The following CTDSPL variants were observed in gnomAD, a reference collection of about 807,000 sequenced individuals.
The protein encoded by CTDSPL is CTD small phosphatase-like protein.
In CTDSPL, 8 loss-of-function variants were observed where a neutral mutation model predicts 30.5. The ratio of observed to expected loss-of-function variants is 0.26; its 90% CI spans 0.15 to 0.47. CTDSPL has a LOEUF of 0.47. CTDSPL is among the 20% of genes least tolerant of loss of function. CTDSPL has a pLI of 0.99. For synonymous variants in CTDSPL, 110 were observed against 137.9 expected (o/e 0.80, Z 1.42); for missense variants, 248 against 366.1 (o/e 0.68, Z 2.63).
intron 4 of CTDSPL, among the ~76,000 whole-genome samples, chr3:37,966,401 C>A (rs544042342): frequency 6.6e-6 from 1 of 152,310 alleles, no homozygotes; most frequent in South Asian, 2.1e-4. Context: ...AAGTGAAGAA[C>A]CCTAGCTGTA....
At position 37,914,842 on chromosome 3, in the gene CTDSPL, T is replaced by C. The variant is rs61710124; in HGVS notation, c.80-32215T>C. ...GAAGTGTTTTTTGTTGTTGTTGTTTTCTGGAAGAGTTTATATAAGATATAT... is the reference window on the plus strand; with the variant it reads ...GAAGTGTTTTTTGTTGTTGTTGTTTCCTGGAAGAGTTTATATAAGATATAT... On this transcript the variant is annotated intron_variant, in intron 1 of 7. Coordinates refer to ENST00000273179, the MANE Select transcript of CTDSPL (RefSeq NM_001008392.2). Among the ~76,000 whole-genome samples, 503 of 150,996 alleles carry C rather than the reference T, an allele frequency of 3.3e-3. 3 individuals carry two copies. The highest frequency in any genetic ancestry group is 0.012 in the African/African-American group (484 of 40,984).
At chr3:37,922,372 G>T (rs766063712) in intron 1 of CTDSPL, among the ~76,000 whole-genome samples, 2 of 152,166 alleles carry the variant, frequency 1.3e-5, no homozygotes, top group Admixed American at 6.5e-5. Flanking sequence ...GAGTATGAAG[G>T]CAGGGCCTGT....
rs562109451 is a variant in CTDSPL at position 37,903,496 on chromosome 3, A to C, written c.79+41218A>C. Among the ~76,000 whole-genome samples, 16 of 152,326 alleles carry C rather than the reference A, an allele frequency of 1.1e-4. No homozygotes were observed. In the South Asian group the frequency reaches 3.1e-3, roughly 30 times the overall value. ...ACACAGGATGTGTGAACTTATGTTC[A>C]TTGACCAGGACCTGAGCAGGACTGA... On this transcript the variant is annotated intron_variant, in intron 1 of 7. Coordinates refer to ENST00000273179, the MANE Select transcript of CTDSPL (RefSeq NM_001008392.2).
intron 1 of CTDSPL, among the ~76,000 whole-genome samples, chr3:37,946,717 T>C (rs1002229249): frequency 2.6e-5 from 4 of 151,932 alleles, no homozygotes; most frequent in African/African-American, 9.7e-5. Flanking sequence ...TGGTGCAGGG[T>C]GGGAATACTT....
At chr3:37,887,738 T>A (rs1253940420) in intron 1 of CTDSPL, among the ~76,000 whole-genome samples, 1 of 152,196 alleles carries the variant, frequency 6.6e-6, no homozygotes, top group Non-Finnish European at 1.5e-5. Context: ...TGCAAAGAGA[T>A]AACTCAGTAT....
intron 1 of CTDSPL, among the ~76,000 whole-genome samples, chr3:37,904,737 C>T (rs555720012): frequency 6.6e-6 from 1 of 152,338 alleles, no homozygotes; most frequent in Admixed American, 6.5e-5. Flanking sequence ...CAGGATATAT[C>T]TCCCTGTTGC....
chr3:37,976,488 A>G (rs1302956542), intron 7 of CTDSPL, among the ~76,000 whole-genome samples: 3 of 151,962 alleles, frequency 2.0e-5, no homozygotes, highest in African/African-American at 7.2e-5. Context: ...AAAATTAGCC[A>G]GGCGTTGGTG....
intron 3 of CTDSPL, among the ~76,000 whole-genome samples, chr3:37,960,533 T>TACACACACAC (rs1168321790): frequency 4.5e-4 from 15 of 33,566 alleles, no homozygotes; most frequent in Non-Finnish European, 7.1e-4. Context: ...TATATATATA[T>TACACACACAC]ATACACACAC....
At chr3:37,947,894 A>C (rs1268773291) in intron 2 of CTDSPL, among the ~76,000 whole-genome samples, 2 of 152,260 alleles carry the variant, frequency 1.3e-5, no homozygotes, top group African/African-American at 4.8e-5. Context: ...TGTATGTATC[A>C]AATAAAATAT....
Position 37,984,373 on chromosome 3 carries a change from C to G in CTDSPL, c.*3506C>G, listed in dbSNP as rs1699530545. 2 of 447,204 alleles carry G rather than the reference C, an allele frequency of 4.5e-6. No individual in the cohort carries two copies. Among genetic ancestry groups the G allele is most frequent in the South Asian group, 3.1e-5 (2 of 64,276 alleles). The allele number at this position is 447,204 out of a possible 1,614,324, so 27.7% of individuals were successfully genotyped here. A position where few individuals can be genotyped will look rare whatever the true frequency, so the allele number is the denominator to read the frequency against. ...ACAATCCAGCATTACTTAGGAAATG[C>G]TACATGCGGAATGTGCACGTTTCCA... On this transcript the variant is annotated 3_prime_UTR_variant, in exon 8 of 8. Transcript: ENST00000273179.
chr3:37,970,635 C>G (rs562735528), intron 5 of CTDSPL, among the ~76,000 whole-genome samples: 1 of 152,284 alleles, frequency 6.6e-6, no homozygotes, highest in African/African-American at 2.4e-5. Flanking sequence ...AATCAAGAAC[C>G]TATGTATGGT....
At chr3:37,960,480 C>CAAAAAAA (rs1208033395) in intron 3 of CTDSPL, among the ~76,000 whole-genome samples, 3 of 4,912 alleles carry the variant, frequency 6.1e-4, no homozygotes, top group African/African-American at 1.1e-3. Context: ...AACTCTGTCT[C>CAAAAAAA]AAAAAAAAAA....
chr3:37,971,520 C>T, intron 6 of CTDSPL, 21 bp downstream of exon 6: 1 of 1,607,022 alleles, frequency 6.2e-7, no homozygotes, highest in Non-Finnish European at 8.5e-7. Context: ...CTTCCCAGCC[C>T]CACACTCCCA....
chr3:37,967,855 G>T lies in CTDSPL; in HGVS notation c.399G>T (p.Pro133=), dbSNP rs778748241. 1 of 1,599,216 alleles carries T rather than the reference G, an allele frequency of 6.3e-7. No homozygotes were observed. Among genetic ancestry groups the T allele is most frequent in the Non-Finnish European group, 8.5e-7 (1 of 1,175,604 alleles). ...KPISNADFIV[P]VEIDGTIHQV... ...TTAGTAATGCTGATTTTATTGTTCC[G>T]GTTGAAATCGATGGAACTATACATC... The change falls in exon 5 of 8, where the codon CCG becomes CCT. Residue 133 remains proline (P), a synonymous_variant. Coordinates refer to ENST00000273179, the MANE Select transcript of CTDSPL (RefSeq NM_001008392.2).
chr3:37,949,524 G>A (rs76203339), intron 2 of CTDSPL, among the ~76,000 whole-genome samples: 11 of 152,216 alleles, frequency 7.2e-5, no homozygotes, highest in African/African-American at 2.2e-4. Flanking sequence ...AATGGATAGA[G>A]TGTCTCTCTT....
chr3:37,970,319 A>G (rs1044241189), intron 5 of CTDSPL, among the ~76,000 whole-genome samples: 8 of 152,064 alleles, frequency 5.3e-5, no homozygotes, highest in Non-Finnish European at 8.8e-5. Flanking sequence ...TACAACTTTC[A>G]TTATGCCATG....
intron 3 of CTDSPL, among the ~76,000 whole-genome samples, chr3:37,960,897 A>C (rs1438011101): frequency 6.6e-6 from 1 of 152,038 alleles, no homozygotes; most frequent in Non-Finnish European, 1.5e-5. Context: ...AATTTTAAGG[A>C]AATTAATACT....
Position 37,947,094 on chromosome 3 carries a change from C to A in CTDSPL, c.117C>A (p.Ser39Arg), listed in dbSNP as rs753698433. The A allele has an allele frequency of 6.2e-7, 1 of 1,613,920 alleles. No individual in the cohort carries two copies. The highest frequency in any genetic ancestry group is 2.2e-5 in the East Asian group (1 of 44,884). ...QCNVSLKKQR[S>R]RSILSSFFCC... ...ACGTCAGCTTAAAGAAGCAGAGGAG[C>A]CGCAGCATCCTTAGCTCCTTCTTCT... Residue 39 changes from serine (S) to arginine (R), a missense_variant, in exon 2 of 8, where the codon AGC becomes AGA. Physicochemically the swap from Ser to Arg is moderately radical, Grantham distance 110. Around this residue, in one of 4 missense-constraint regions of CTDSPL, gnomAD observed 118 missense variants for 124.7 expected, o/e 0.95. Transcript: ENST00000273179.
intron 1 of CTDSPL, among the ~76,000 whole-genome samples, chr3:37,913,525 A>G (rs1051882621): frequency 2.0e-5 from 3 of 152,034 alleles, no homozygotes; most frequent in Non-Finnish European, 2.9e-5. Context: ...ACAGAGGGGG[A>G]ATGTTGTTTG....
Sources: allele counts gnomAD v4.1 joint callset (sites outside exome capture counted in the v4.1 genomes callset), GRCh38; gene constraint gnomAD v4.1.1; regional missense constraint gnomAD v4.1.1; transcripts MANE v1.5; gene names NCBI Gene and HGNC (gene_info 2026-07-23, HGNC 2026-07-21).